TPM3: variants seen among roughly 807,000 people sequenced by gnomAD.
The protein encoded by TPM3 is tropomyosin alpha-3 chain.
In TPM3, 16 loss-of-function variants were observed where a neutral mutation model predicts 43.1. The ratio of observed to expected loss-of-function variants is 0.37; its 90% CI spans 0.25 to 0.56. TPM3 has a LOEUF of 0.56. TPM3 is among the 20% of genes least tolerant of loss of function. The probability of loss-of-function intolerance (pLI) is 0.77; values close to 1 mark genes in which losing one functional copy is unlikely to be tolerated. For missense variants in TPM3, 176 were observed against 337.2 expected (o/e 0.52, Z 3.74); for synonymous variants, 101 against 116.9 (o/e 0.86, Z 0.88).
intron 2 of TPM3, among the ~76,000 whole-genome samples, chr1:154,190,886 G>C (rs1232202297): frequency 6.6e-6 from 1 of 152,154 alleles, no homozygotes; most frequent in African/African-American, 2.4e-5. Flanking sequence ...TCTGAACTTA[G>C]AGTCCCCTCT....
At chr1:154,190,839 T>TGTGG (rs1663648392) in intron 2 of TPM3, among the ~76,000 whole-genome samples, 1 of 152,158 alleles carries the variant, frequency 6.6e-6, no homozygotes, top group African/African-American at 2.4e-5. Flanking sequence ...AAGCTAAGAA[T>TGTGG]GTGGCATGGG....
intron 8 of TPM3, 188 bp from the exon 9 acceptor site, chr1:154,169,571 T>C: frequency 1.6e-6 from 1 of 629,788 alleles, no homozygotes; most frequent in South Asian, 1.9e-5. Flanking sequence ...TATGACCAAC[T>C]TCCTTTCTTG....
rs1227450301 is a variant in TPM3 at position 154,163,360 on chromosome 1, A to T, written c.*4577T>A. Among the ~76,000 whole-genome samples the T allele has an allele frequency of 2.0e-5, 3 of 152,176 alleles. No individual in the cohort carries two copies. The highest frequency in any genetic ancestry group is 7.2e-5 in the African/African-American group (3 of 41,456). On this transcript the variant is annotated 3_prime_UTR_variant, in exon 10 of 10. Transcript: ENST00000651641. ...AAGTTCTGTTGGAAAGCCCTGCTCT[A>T]AAGTAAATTATATTGCCTATATAAT... is the stretch of plus-strand genomic sequence containing the variant.
intron 6 of TPM3, 45 bp from the exon 7 acceptor site, chr1:154,170,756 C>A: frequency 7.9e-7 from 1 of 1,268,178 alleles, no homozygotes; most frequent in Non-Finnish European, 1.1e-6. Flanking sequence ...AAATTAGTCA[C>A]ACAGGCAATA....
chr1:154,184,739 C>T (rs1663325020), intron 2 of TPM3, among the ~76,000 whole-genome samples: 1 of 151,568 alleles, frequency 6.6e-6, no homozygotes, highest in African/African-American at 2.4e-5. Context: ...ATAGTGAGAC[C>T]TCGTCTCTAC....
Position 154,162,875 on chromosome 1 carries a change from T to C in TPM3, c.*5062A>G, listed in dbSNP as rs893410984. Among the ~76,000 whole-genome samples, 1 of 152,210 alleles carries C rather than the reference T, an allele frequency of 6.6e-6. No individual in the cohort carries two copies. Among genetic ancestry groups the C allele is most frequent in the Non-Finnish European group, 1.5e-5 (1 of 68,038 alleles). ...ACCACAGATCAGAGCTATAACACCT[T>C]ACTTTTCTCCCAATCTCCCTCTTAT... On this transcript the variant is annotated 3_prime_UTR_variant, in exon 10 of 10. Transcript: ENST00000651641.
At chr1:154,156,929 G>T (rs1281315581), downstream of TPM3, 2 of 197,874 alleles carry the variant, frequency 1.0e-5, no homozygotes, top group African/African-American at 4.6e-5. Flanking sequence ...AGTTGTGAGG[G>T]GGTAGAGATG....
downstream of TPM3, among the ~76,000 whole-genome samples, chr1:154,161,059 C>T (rs776338268): frequency 2.7e-5 from 4 of 146,742 alleles, no homozygotes; most frequent in Non-Finnish European, 5.9e-5. Flanking sequence ...TATAGGTGTG[C>T]ATCACCATGC....
downstream of TPM3, chr1:154,156,127 G>C (rs957480537): frequency 1.2e-5 from 2 of 172,246 alleles, no homozygotes; most frequent in Non-Finnish European, 2.5e-5. Context: ...AGCTACTCGG[G>C]AGGCTGAGGC....
intron 1 of TPM3, 43 bp from the exon 2 acceptor site, chr1:154,191,354 A>G (rs760954332): frequency 1.1e-5 from 17 of 1,612,502 alleles, no homozygotes; most frequent in Admixed American, 1.7e-5. Flanking sequence ...ACACAAACAC[A>G]ACAATGCAGG....
At chr1:154,186,046 G>A (rs554189715) in intron 2 of TPM3, among the ~76,000 whole-genome samples, 4 of 151,640 alleles carry the variant, frequency 2.6e-5, no homozygotes, top group South Asian at 2.1e-4. Context: ...TGGAAATACC[G>A]AGCAATGAGA....
intron 2 of TPM3, among the ~76,000 whole-genome samples, chr1:154,179,879 T>C (rs201367691): frequency 6.6e-6 from 1 of 152,080 alleles, no homozygotes; most frequent in East Asian, 1.9e-4. Flanking sequence ...TTAAGTTTTT[T>C]AGACTAGAAA....
intron 3 of TPM3, among the ~76,000 whole-genome samples, chr1:154,173,459 G>A (rs574003693): frequency 1.6e-4 from 24 of 152,332 alleles, no homozygotes. Context: ...GAGGTCGGGA[G>A]TTCAAGACCA....
intron 9 of TPM3, 54 bp downstream of exon 9, chr1:154,169,251 C>T: frequency 6.5e-7 from 1 of 1,546,664 alleles, no homozygotes; most frequent in Non-Finnish European, 8.9e-7. Context: ...TAGCTTGTAC[C>T]CCCATCCACC....
chr1:154,157,530 C>T, downstream of TPM3: 1 of 764,482 alleles, frequency 1.3e-6, no homozygotes, highest in Admixed American at 1.7e-5. Flanking sequence ...GAGAAAGCAG[C>T]CTTCCAGTTA....
At chr1:154,169,859 A>G in intron 8 of TPM3, 1 of 250,882 alleles carries the variant, frequency 4.0e-6, no homozygotes, top group South Asian at 5.0e-5. Flanking sequence ...AGCATACATC[A>G]GAGTTCTCAA....
intron 3 of TPM3, among the ~76,000 whole-genome samples, chr1:154,175,050 G>A (rs1346152418): frequency 6.6e-6 from 1 of 152,034 alleles, no homozygotes; most frequent in African/African-American, 2.4e-5. Context: ...AGCTGGGGAA[G>A]GCCGGGCGCA....
At chr1:154,174,407 T>TATATATATATATAC (rs1261318136) in intron 3 of TPM3, among the ~76,000 whole-genome samples, 59 of 72,648 alleles carry the variant, frequency 8.1e-4, no homozygotes, top group Non-Finnish European at 1.2e-3. Flanking sequence ...TATATATATA[T>TATATATATATATAC]ACACACAAAA....
intron 2 of TPM3, among the ~76,000 whole-genome samples, chr1:154,180,935 G>A (rs2148275010): frequency 6.6e-6 from 1 of 151,318 alleles, no homozygotes; most frequent in South Asian, 2.1e-4. Flanking sequence ...AAAAAAAAAA[G>A]AGGGGGGATG....
Sources: gnomAD v4.1 joint callset for allele counts (sites outside exome capture counted in the v4.1 genomes callset) on GRCh38, gnomAD v4.1.1 for gene constraint, MANE v1.5 for transcripts, NCBI Gene and HGNC (gene_info 2026-07-23, HGNC 2026-07-21) for gene names.